Variants in TMEM267 observed in about 807,000 individuals in gnomAD.
TMEM267 encodes the protein transmembrane protein 267, also known as transmembrane protein C5orf28.
TMEM267 carries 20 observed loss-of-function variants against 19.3 expected under a neutral mutation model. The ratio of observed to expected loss-of-function variants is 1.04; its 90% confidence interval spans 0.73 to 1.51. TMEM267 has a LOEUF of 1.51. Ranked by LOEUF, TMEM267 falls within the 40% of genes most tolerant of loss-of-function variation. The pLI is 0.00. For missense variants in TMEM267, 242 were observed against 261.9 expected (o/e 0.92, Z 0.52); for synonymous variants, 88 against 90.3 (o/e 0.97, Z 0.15).
intron 2 of TMEM267, among the ~76,000 whole-genome samples, chr5:43,451,659 AT>A (rs1742595159): frequency 6.6e-6 from 1 of 152,214 alleles, no homozygotes; most frequent in African/African-American, 2.4e-5. Context: ...GGGAATATAA[AT>A]TAGTATAACC....
chr5:43,461,819 C>A (rs1458765421), intron 1 of TMEM267, among the ~76,000 whole-genome samples: 1 of 152,200 alleles, frequency 6.6e-6, no homozygotes, highest in Non-Finnish European at 1.5e-5. Flanking sequence ...TAGTCCCTGA[C>A]TCCCAGATGG....
intron 1 of TMEM267, among the ~76,000 whole-genome samples, chr5:43,482,985 T>C (rs572433603): frequency 1.3e-5 from 2 of 152,344 alleles, no homozygotes; most frequent in Non-Finnish European, 2.9e-5. Flanking sequence ...CCTTACACAT[T>C]ATATGCAAAA....
At chr5:43,471,739 TATGCAGA>T (rs1744088139) in intron 1 of TMEM267, among the ~76,000 whole-genome samples, 1 of 152,168 alleles carries the variant, frequency 6.6e-6, no homozygotes, top group Non-Finnish European at 1.5e-5. Context: ...TAGATATCTA[TATGCAGA>T]AGAATGAAAG....
Position 43,444,925 on chromosome 5 carries a change from T to C in TMEM267, c.*1297A>G, listed in dbSNP as rs1742163574. The C allele has an allele frequency of 6.6e-6, 1 of 152,140 alleles. No individual in the cohort carries two copies. Among genetic ancestry groups the C allele is most frequent in the South Asian group, 2.1e-4 (1 of 4,826 alleles). The allele number at this position is 152,140 out of a possible 1,614,324, so 9.4% of individuals were successfully genotyped here. A position where few individuals can be genotyped will look rare whatever the true frequency, so the allele number is the denominator to read the frequency against. Reference sequence around the variant, plus strand: ...AAGAGCTTGAACCTTCATAATAATTTACAGAATTCTGTTTAACTTAATATA... The same window carrying C: ...AAGAGCTTGAACCTTCATAATAATTCACAGAATTCTGTTTAACTTAATATA... On this transcript the variant is annotated 3_prime_UTR_variant, in exon 3 of 3. Coordinates refer to ENST00000397080, the MANE Select transcript of TMEM267 (RefSeq NM_022483.5).
At chr5:43,452,423 G>A (rs908665977) in intron 2 of TMEM267, among the ~76,000 whole-genome samples, 1 of 152,018 alleles carries the variant, frequency 6.6e-6, no homozygotes, top group Non-Finnish European at 1.5e-5. Flanking sequence ...ATACAGAGTG[G>A]AATAACAGAC....
chr5:43,478,446 C>T (rs1238875580), intron 1 of TMEM267, among the ~76,000 whole-genome samples: 2 of 152,080 alleles, frequency 1.3e-5, no homozygotes, highest in Admixed American at 1.3e-4. Flanking sequence ...TCTACATAGT[C>T]CAGCTAACTA....
chr5:43,470,005 G>C (rs1216824755), intron 1 of TMEM267, among the ~76,000 whole-genome samples: 1 of 152,326 alleles, frequency 6.6e-6, no homozygotes, highest in East Asian at 1.9e-4. Context: ...CACTGAGCCA[G>C]ATAAAATTGT....
intron 2 of TMEM267, among the ~76,000 whole-genome samples, chr5:43,450,281 T>C (rs1289745081): frequency 6.6e-6 from 1 of 152,128 alleles, no homozygotes; most frequent in Non-Finnish European, 1.5e-5. Context: ...CATGAGCCAC[T>C]GCGCCTGGCC....
chr5:43,460,262 A>C (rs1743181545), intron 1 of TMEM267, among the ~76,000 whole-genome samples: 2 of 152,088 alleles, frequency 1.3e-5, no homozygotes, highest in African/African-American at 4.8e-5. Flanking sequence ...CCTGGATCCT[A>C]ATGGGCCATG....
chr5:43,449,460 T>C (rs1431662305), intron 2 of TMEM267, among the ~76,000 whole-genome samples: 2 of 152,070 alleles, frequency 1.3e-5, no homozygotes, highest in African/African-American at 4.8e-5. Context: ...AAAGCTATGA[T>C]CCAAGAAAAC....
chr5:43,475,086 A>G (rs1744330612), intron 1 of TMEM267, among the ~76,000 whole-genome samples: 1 of 152,240 alleles, frequency 6.6e-6, no homozygotes, highest in African/African-American at 2.4e-5. Flanking sequence ...ACGTATGTTT[A>G]TTGTGGCACT....
intron 1 of TMEM267, among the ~76,000 whole-genome samples, chr5:43,483,570 G>A (rs946338594): frequency 2.0e-5 from 3 of 152,156 alleles, no homozygotes; most frequent in African/African-American, 4.8e-5. Context: ...GCGCGAAGCC[G>A]GAGGGCGGCG....
At chr5:43,466,592 C>CA (rs1215250135) in intron 1 of TMEM267, among the ~76,000 whole-genome samples, 7 of 151,736 alleles carry the variant, frequency 4.6e-5, no homozygotes, top group African/African-American at 9.7e-5. Flanking sequence ...AGCAAGTACA[C>CA]AAAAAAATAG....
chr5:43,482,720 C>A (rs1371631351), intron 1 of TMEM267, among the ~76,000 whole-genome samples: 1 of 152,172 alleles, frequency 6.6e-6, no homozygotes, highest in Non-Finnish European at 1.5e-5. Context: ...CCATTTTCTG[C>A]AATGGCCAAA....
intron 1 of TMEM267, among the ~76,000 whole-genome samples, chr5:43,475,168 T>C (rs1005755373): frequency 2.0e-5 from 3 of 152,188 alleles, no homozygotes; most frequent in African/African-American, 7.2e-5. Context: ...GTGGCACATA[T>C]ACACCACAGA....
chr5:43,453,372 C>A lies in TMEM267; in HGVS notation c.312+286G>T, dbSNP rs75696766. On this transcript the variant is annotated intron_variant, in intron 2 of 2. Transcript: ENST00000397080. The stretch of plus-strand genomic sequence containing the variant: ...TAAACCGGTTTGCTAATACTTTCTT[C>A]AAGACCTGGCTAAACGCATCCTCTG... 8.0e-4 allele frequency among the ~76,000 whole-genome samples: 122 copies of A among 152,338 alleles called. 1 individual carries two copies. In the East Asian group the frequency reaches 0.019, roughly 23 times the overall value.
intron 1 of TMEM267, among the ~76,000 whole-genome samples, chr5:43,468,041 C>CAAG (rs1743848507): frequency 1.4e-5 from 2 of 145,522 alleles, no homozygotes; most frequent in African/African-American, 5.1e-5. Context: ...AGCCAGTGAC[C>CAAG]AAGAGACAGC....
chr5:43,482,058 T>G (rs1372613815), intron 1 of TMEM267, among the ~76,000 whole-genome samples: 3 of 152,176 alleles, frequency 2.0e-5, no homozygotes, highest in Non-Finnish European at 4.4e-5. Context: ...TTAGCCAGGA[T>G]GGTCTCGATC....
intron 1 of TMEM267, among the ~76,000 whole-genome samples, chr5:43,464,145 T>G (rs1209951277): frequency 2.0e-5 from 3 of 152,106 alleles, no homozygotes; most frequent in Non-Finnish European, 4.4e-5. Context: ...ATCACAAGCA[T>G]TCTTATACAC....
Sources: allele counts gnomAD v4.1 joint callset (sites outside exome capture counted in the v4.1 genomes callset), GRCh38; gene constraint gnomAD v4.1.1; transcripts MANE v1.5; gene names NCBI Gene and HGNC (gene_info 2026-07-23, HGNC 2026-07-21).